The following PDE10A variants were observed in gnomAD, a reference collection of about 807,000 sequenced individuals.
PDE10A encodes the protein cAMP and cAMP-inhibited cGMP 3',5'-cyclic phosphodiesterase 10A.
Under a neutral mutation model 97.7 loss-of-function variants are expected in PDE10A, and 39 were observed. The ratio of observed to expected loss-of-function variants is 0.40; its 90% CI spans 0.31 to 0.52. PDE10A has a LOEUF of 0.52. PDE10A is among the 20% of genes least tolerant of loss of function. The probability of loss-of-function intolerance (pLI) is 0.56; values close to 1 mark genes in which losing one functional copy is unlikely to be tolerated. For missense variants in PDE10A, 731 were observed against 1,047.8 expected (o/e 0.70, Z 4.17); for synonymous variants, 371 against 376.8 (o/e 0.98, Z 0.18).
At chr6:165,848,373 G>A (rs1780481445) in intron 1 of PDE10A, among the ~76,000 whole-genome samples, 1 of 152,150 alleles carries the variant, frequency 6.6e-6, no homozygotes, top group Admixed American at 6.5e-5. Flanking sequence ...GAGTGCCTGT[G>A]CGTGCAGAGG....
chr6:165,594,925 G>A (rs1484453804), intron 1 of PDE10A, among the ~76,000 whole-genome samples: 1 of 152,184 alleles, frequency 6.6e-6, no homozygotes, highest in Admixed American at 6.5e-5. Flanking sequence ...AGTCTGGTGT[G>A]GTGAACAAGA....
rs571339004 is a variant in PDE10A, at chr6:165,528,746, G to A, written c.994+14694C>T. Reference sequence around the variant, plus strand: ...GTGCAGCAGTGGGCTGATGTTCATGGAATTCACTGGTCTTACCATGTTCCC... The same window carrying A: ...GTGCAGCAGTGGGCTGATGTTCATGAAATTCACTGGTCTTACCATGTTCCC... On this transcript the variant is annotated intron_variant, in intron 2 of 21. Coordinates refer to ENST00000539869, the MANE Select transcript of PDE10A (RefSeq NM_001385079.1). Among the ~76,000 whole-genome samples, 11 of 152,294 alleles carry A rather than the reference G, an allele frequency of 7.2e-5. No homozygotes were observed. In the South Asian group the frequency reaches 2.3e-3, roughly 32 times the overall value.
At position 165,392,778 on chromosome 6, in the gene PDE10A, C is replaced by T; in HGVS notation, c.2322G>A (p.Leu774=). 1 of 1,614,022 alleles carries T rather than the reference C, an allele frequency of 6.2e-7. No individual in the cohort carries two copies. Among genetic ancestry groups the T allele is most frequent in the East Asian group, 2.2e-5 (1 of 44,876 alleles). Reference sequence around the variant, plus strand: ...TCTTCACAGACATAATAAAACGACACAACTTTTCAAGCTCAAAGCTGCATG... The same window carrying T: ...TCTTCACAGACATAATAAAACGACATAACTTTTCAAGCTCAAAGCTGCATG... ...CGTSCFELEK[L]CRFIMSVKKN... is the part of the protein sequence containing the mutation. The change falls in exon 16 of 22, where the codon TTG becomes TTA. Residue 774 remains leucine (L), a synonymous_variant. Transcript: ENST00000539869.
chr6:165,404,600 T>C (rs765147048), intron 13 of PDE10A, among the ~76,000 whole-genome samples: 2 of 152,038 alleles, frequency 1.3e-5, no homozygotes, highest in Non-Finnish European at 2.9e-5. Context: ...TACATATATC[T>C]GAGCATGAGG....
intron 18 of PDE10A, among the ~76,000 whole-genome samples, chr6:165,372,069 G>C (rs1784294924): frequency 6.6e-6 from 1 of 150,474 alleles, no homozygotes; most frequent in South Asian, 2.1e-4. Flanking sequence ...GTATTGATAG[G>C]ACGTATCTCA....
intron 18 of PDE10A, among the ~76,000 whole-genome samples, chr6:165,355,266 A>G (rs555805522): frequency 6.6e-6 from 1 of 152,310 alleles, no homozygotes; most frequent in East Asian, 1.9e-4. Flanking sequence ...GAAGGATATT[A>G]GTGAGTATGA....
intron 1 of PDE10A, among the ~76,000 whole-genome samples, chr6:165,846,610 C>T (rs532592575): frequency 2.6e-4 from 40 of 152,284 alleles, no homozygotes; most frequent in African/African-American, 9.4e-4. Context: ...AACCTACTTT[C>T]AATTCAAAAA....
intron 1 of PDE10A, among the ~76,000 whole-genome samples, chr6:165,696,995 C>A (rs556515834): frequency 6.6e-6 from 1 of 151,786 alleles, no homozygotes. Context: ...AGCTGAAGAA[C>A]AGAGAGAAGA....
At chr6:165,943,400 T>A (rs184697127) in intron 1 of PDE10A, among the ~76,000 whole-genome samples, 27 of 142,110 alleles carry the variant, frequency 1.9e-4, no homozygotes, top group Non-Finnish European at 3.4e-4. Context: ...TACAGATCTA[T>A]TGAGCACAAT....
intron 17 of PDE10A, among the ~76,000 whole-genome samples, chr6:165,384,140 G>A (rs1396192789): frequency 6.6e-6 from 1 of 152,146 alleles, no homozygotes; most frequent in Non-Finnish European, 1.5e-5. Context: ...TATACTTGGA[G>A]GACGGATTTG....
intron 1 of PDE10A, among the ~76,000 whole-genome samples, chr6:165,863,973 G>C (rs543383773): frequency 6.6e-6 from 1 of 152,250 alleles, no homozygotes; most frequent in Admixed American, 6.5e-5. Context: ...ATGCCTAAAG[G>C]GAATATGCCT....
intron 1 of PDE10A, among the ~76,000 whole-genome samples, chr6:165,977,653 T>C (rs1308715683): frequency 6.6e-6 from 1 of 152,218 alleles, no homozygotes; most frequent in Non-Finnish European, 1.5e-5. Context: ...CAGACATATT[T>C]ATAGAAAATC....
chr6:165,734,062 G>C (rs975648381), intron 1 of PDE10A, among the ~76,000 whole-genome samples: 1 of 152,180 alleles, frequency 6.6e-6, no homozygotes, highest in Non-Finnish European at 1.5e-5. Context: ...ACTCCAGAAG[G>C]GCTCCATTCC....
At chr6:165,674,530 G>C (rs1305937172) in intron 1 of PDE10A, among the ~76,000 whole-genome samples, 1 of 152,188 alleles carries the variant, frequency 6.6e-6, no homozygotes, top group Non-Finnish European at 1.5e-5. Context: ...GCCTGGCTTA[G>C]AGCAAATGCC....
chr6:165,500,568 C>CTGCGGA (rs1780810409), intron 2 of PDE10A, among the ~76,000 whole-genome samples: 2 of 103,300 alleles, frequency 1.9e-5, no homozygotes, highest in East Asian at 3.4e-4. Context: ...ACACAATACA[C>CTGCGGA]AGGGACCTCT....
chr6:165,627,820 T>C (rs900108361), intron 1 of PDE10A, among the ~76,000 whole-genome samples: 1 of 152,210 alleles, frequency 6.6e-6, no homozygotes, highest in Non-Finnish European at 1.5e-5. Context: ...CAACTGTACC[T>C]ATCAGAGCAA....
At chr6:165,640,134 T>C (rs1789063732) in intron 1 of PDE10A, among the ~76,000 whole-genome samples, 1 of 152,086 alleles carries the variant, frequency 6.6e-6, no homozygotes, top group South Asian at 2.1e-4. Context: ...TGCATGCATG[T>C]AACTCTTTCC....
At chr6:165,635,461 A>G (rs1006250283) in intron 1 of PDE10A, among the ~76,000 whole-genome samples, 13 of 146,794 alleles carry the variant, frequency 8.9e-5, no homozygotes, top group Non-Finnish European at 1.7e-4. Context: ...GTGCAAGTCA[A>G]GTGGGGTGTG....
chr6:165,773,636 A>C lies in PDE10A; in HGVS notation c.-615+213893T>G, dbSNP rs9356388. 5.9e-5 allele frequency among the ~76,000 whole-genome samples: 9 copies of C among 152,342 alleles called. No homozygotes were observed. The East Asian group carries it at 1.7e-3, about 29-fold the overall frequency. On this transcript the variant is annotated intron_variant, in intron 1 of 19. Coordinates refer to the PDE10A transcript ENST00000366882. ...GCCCCTGACTCAAGCGCATGCAATA[A>C]ACGAATTCACTATTGATAAAAGATT... is the stretch of plus-strand genomic sequence containing the variant.
Sources: gnomAD v4.1 joint callset for allele counts (sites outside exome capture counted in the v4.1 genomes callset) on GRCh38, gnomAD v4.1.1 for gene constraint, MANE v1.5 for transcripts, NCBI Gene and HGNC (gene_info 2026-07-23, HGNC 2026-07-21) for gene names.